The following DNM3 variants were observed in gnomAD, a reference collection of about 807,000 sequenced individuals.
DNM3 encodes the protein dynamin 3, also known as dynamin-3.
A neutral mutation model predicts 101.6 loss-of-function variants in DNM3; 47 were observed. That is an observed-to-expected ratio of 0.46 (90% CI 0.37 to 0.59). DNM3 has a LOEUF of 0.59. Among genes scored for constraint, DNM3 ranks in the 20% least tolerant of loss-of-function variants. The pLI is 0.00. For missense variants in DNM3, 849 were observed against 1,085.7 expected (o/e 0.78, Z 3.06); for synonymous variants, 385 against 387.9 (o/e 0.99, Z 0.09).
chr1:172,316,263 G>T (rs190919378), intron 16 of DNM3, among the ~76,000 whole-genome samples: 22 of 151,924 alleles, frequency 1.4e-4, no homozygotes, highest in Admixed American at 1.4e-3. Flanking sequence ...AGGAAAAACC[G>T]GTACCAGCCA....
chr1:172,380,123 G>T (rs1225701820), intron 18 of DNM3, among the ~76,000 whole-genome samples: 1 of 151,954 alleles, frequency 6.6e-6, no homozygotes, highest in African/African-American at 2.4e-5. Flanking sequence ...TTCTAAATCT[G>T]GTTCTGCTAC....
intron 4 of DNM3, among the ~76,000 whole-genome samples, chr1:172,004,156 T>C (rs2046527446): frequency 6.6e-6 from 1 of 152,030 alleles, no homozygotes; most frequent in Non-Finnish European, 1.5e-5. Flanking sequence ...AGAATCTGTA[T>C]GTTTTGAGGA....
At chr1:172,045,684 C>T (rs867179857) in intron 9 of DNM3, among the ~76,000 whole-genome samples, 1 of 152,170 alleles carries the variant, frequency 6.6e-6, no homozygotes, top group African/African-American at 2.4e-5. Flanking sequence ...CTAAACATAA[C>T]TTAATGAACA....
At chr1:171,957,797 A>G (rs2042960721) in intron 2 of DNM3, among the ~76,000 whole-genome samples, 1 of 152,086 alleles carries the variant, frequency 6.6e-6, no homozygotes, top group Non-Finnish European at 1.5e-5. Context: ...CCTGGATTTC[A>G]TTGTCTGCAT....
intron 2 of DNM3, among the ~76,000 whole-genome samples, chr1:171,966,985 T>C (rs1441820600): frequency 1.3e-5 from 2 of 152,188 alleles, no homozygotes; most frequent in Non-Finnish European, 2.9e-5. Flanking sequence ...CCTATTGTTA[T>C]GGAGTGTAGC....
intron 14 of DNM3, among the ~76,000 whole-genome samples, chr1:172,236,593 G>A (rs1299346450): frequency 1.3e-5 from 2 of 152,156 alleles, no homozygotes; most frequent in Admixed American, 1.3e-4. Flanking sequence ...AGGAAAGGAG[G>A]AGAAGGAGGA....
At chr1:172,341,755 T>C (rs1315775284) in intron 17 of DNM3, among the ~76,000 whole-genome samples, 5 of 151,570 alleles carry the variant, frequency 3.3e-5, no homozygotes, top group Non-Finnish European at 7.4e-5. Flanking sequence ...GACCTAAATG[T>C]AAAATCTATA....
intron 16 of DNM3, chr1:172,311,098 G>A (rs547875818): frequency 6.6e-6 from 1 of 152,206 alleles, no homozygotes; most frequent in East Asian, 1.9e-4. Flanking sequence ...TGCAGGGAAA[G>A]CATTGAACAG....
chr1:172,395,355 G>C (rs561517147), intron 20 of DNM3, among the ~76,000 whole-genome samples: 103 of 152,042 alleles, frequency 6.8e-4, no homozygotes, highest in African/African-American at 2.4e-3. Context: ...ATTTTGAGTA[G>C]AGATAGGGTT....
intron 1 of DNM3, among the ~76,000 whole-genome samples, chr1:171,905,580 C>T (rs907268794): frequency 2.6e-5 from 4 of 151,892 alleles, no homozygotes; most frequent in African/African-American, 7.3e-5. Flanking sequence ...TTTTCTTTTT[C>T]GGTATATGTG....
At chr1:172,092,583 T>G (rs2147819428) in intron 12 of DNM3, among the ~76,000 whole-genome samples, 1 of 152,314 alleles carries the variant, frequency 6.6e-6, no homozygotes, top group Admixed American at 6.5e-5. Context: ...AATGTTACAA[T>G]GCAGCTTTTC....
intron 4 of DNM3, among the ~76,000 whole-genome samples, chr1:172,005,391 G>T (rs1270741537): frequency 6.6e-6 from 1 of 151,974 alleles, no homozygotes; most frequent in Non-Finnish European, 1.5e-5. Context: ...TGTTATAAAG[G>T]CTTTAAAAAA....
intron 10 of DNM3, among the ~76,000 whole-genome samples, chr1:172,055,118 G>T (rs573595615): frequency 6.6e-6 from 1 of 152,170 alleles, no homozygotes; most frequent in Admixed American, 6.5e-5. Flanking sequence ...CCTTACCATG[G>T]CTTACAAGGC....
intron 1 of DNM3, among the ~76,000 whole-genome samples, chr1:171,916,481 A>G (rs929178543): frequency 1.3e-5 from 2 of 152,196 alleles, no homozygotes; most frequent in Admixed American, 1.3e-4. Flanking sequence ...CCATATCACT[A>G]CATCAGAAGG....
At chr1:172,192,711 A>C (rs2059780535) in intron 14 of DNM3, among the ~76,000 whole-genome samples, 1 of 151,774 alleles carries the variant, frequency 6.6e-6, no homozygotes, top group Non-Finnish European at 1.5e-5. Flanking sequence ...TGAACTCATC[A>C]TTTTTTATGG....
chr1:171,875,340 A>G (rs1175854969), intron 1 of DNM3, among the ~76,000 whole-genome samples: 2 of 152,120 alleles, frequency 1.3e-5, no homozygotes, highest in Admixed American at 6.5e-5. Flanking sequence ...TTATTCAGCC[A>G]CTTCTAGAGT....
chr1:172,264,616 A>G (rs998551556), intron 15 of DNM3, among the ~76,000 whole-genome samples: 31 of 152,122 alleles, frequency 2.0e-4, no homozygotes, highest in African/African-American at 6.5e-4. Flanking sequence ...AGTGTTTTGG[A>G]TCAATTTGTT....
At chr1:172,195,483 A>T (rs2059913396) in intron 14 of DNM3, among the ~76,000 whole-genome samples, 1 of 151,784 alleles carries the variant, frequency 6.6e-6, no homozygotes, top group Non-Finnish European at 1.5e-5. Context: ...GTGAGAGGGG[A>T]CATCCTTGCC....
intron 13 of DNM3, among the ~76,000 whole-genome samples, chr1:172,124,856 C>T (rs889073795): frequency 6.6e-6 from 1 of 152,188 alleles, no homozygotes; most frequent in Non-Finnish European, 1.5e-5. Context: ...GTTCACCTCT[C>T]GAGGCCTGCC....
Sources: gnomAD v4.1 joint callset for allele counts (sites outside exome capture counted in the v4.1 genomes callset) on GRCh38, gnomAD v4.1.1 for gene constraint, MANE v1.5 for transcripts, NCBI Gene and HGNC (gene_info 2026-07-23, HGNC 2026-07-21) for gene names.